Variants in SRPK2 observed in about 807,000 individuals in gnomAD.
SRPK2 encodes SRSF protein kinase 2.
In SRPK2, 21 loss-of-function variants were observed where a neutral mutation model predicts 90.8. The ratio of observed to expected loss-of-function variants is 0.23; its 90% CI spans 0.16 to 0.33. The LOEUF is 0.33. Ranked by LOEUF, SRPK2 falls within the 10% of genes least tolerant of loss-of-function variation. The pLI is 1.00. For synonymous variants in SRPK2, 288 were observed against 311.1 expected (o/e 0.93, Z 0.78); for missense variants, 620 against 869.0 (o/e 0.71, Z 3.60).
At chr7:105,279,190 G>A (rs1403558528) in intron 2 of SRPK2, among the ~76,000 whole-genome samples, 2 of 151,800 alleles carry the variant, frequency 1.3e-5, no homozygotes, top group Admixed American at 6.6e-5. Flanking sequence ...TACAGTGGGG[G>A]TGCCAGAGGG....
At chr7:105,141,285 G>A (rs1032286735) in intron 11 of SRPK2, among the ~76,000 whole-genome samples, 1 of 152,184 alleles carries the variant, frequency 6.6e-6, no homozygotes, top group Non-Finnish European at 1.5e-5. Flanking sequence ...CTCGCTGTGT[G>A]TTAAACAGTC....
chr7:105,355,494 T>A (rs1817679881), intron 2 of SRPK2, among the ~76,000 whole-genome samples: 1 of 152,144 alleles, frequency 6.6e-6, no homozygotes, highest in South Asian at 2.1e-4. Flanking sequence ...AAAATAAAAA[T>A]TTTTAAAAAA....
At chr7:105,148,581 A>G (rs1284052190) in intron 7 of SRPK2, among the ~76,000 whole-genome samples, 1 of 152,226 alleles carries the variant, frequency 6.6e-6, no homozygotes, top group East Asian at 1.9e-4. Flanking sequence ...CAAACAATGA[A>G]TTGAATAGGC....
chr7:105,394,257 C>A (rs1237001519), upstream of SRPK2, among the ~76,000 whole-genome samples: 1 of 151,974 alleles, frequency 6.6e-6, no homozygotes, highest in Admixed American at 6.6e-5. Context: ...ATTCTCCTGC[C>A]TCAGCCTCCG....
intron 2 of SRPK2, among the ~76,000 whole-genome samples, chr7:105,379,301 C>T (rs1001467214): frequency 7.3e-5 from 11 of 151,566 alleles, no homozygotes; most frequent in African/African-American, 2.4e-4. Flanking sequence ...ATGTAACAAC[C>T]ATTGACATGG....
chr7:105,212,839 A>C (rs1479190624), intron 2 of SRPK2, among the ~76,000 whole-genome samples: 1 of 152,208 alleles, frequency 6.6e-6, no homozygotes, highest in East Asian at 1.9e-4. Flanking sequence ...CCATGGATTC[A>C]AACAACTATG....
In SRPK2 at chr7:105,260,016, A is replaced by G. The variant is rs1019305945; in HGVS notation, c.72-56231T>C. On this transcript the variant is annotated intron_variant, in intron 2 of 15. Coordinates refer to ENST00000393651, the MANE Select transcript of SRPK2 (RefSeq NM_182692.3). ...CTAAAACACCAAAAGCAATGGCAACAAAAGTCAAAATAGACAAATGGGATC... is the reference window on the plus strand; with the variant it reads ...CTAAAACACCAAAAGCAATGGCAACGAAAGTCAAAATAGACAAATGGGATC... Among the ~76,000 whole-genome samples, 11 of 152,358 alleles carry G rather than the reference A, an allele frequency of 7.2e-5. 1 individual carries two copies. The highest frequency in any genetic ancestry group is 1.4e-4 in the African/African-American group (6 of 41,584).
In SRPK2 at chr7:105,375,983, C is replaced by CTTTTTTTTTTTTT. The variant is rs34445430; in HGVS notation, c.71+12652_71+12664dup. Among the ~76,000 whole-genome samples the CTTTTTTTTTTTTT allele has an allele frequency of 4.8e-5, 3 of 63,144 alleles. 1 individual carries two copies. Among genetic ancestry groups the CTTTTTTTTTTTTT allele is most frequent in the South Asian group, 7.3e-4 (1 of 1,378 alleles). The allele number at this position is 63,144 out of a possible 152,430, so 41.4% of individuals were successfully genotyped here. On this transcript the variant is annotated intron_variant, in intron 2 of 15. Transcript: ENST00000393651. Reference sequence around the variant, plus strand: ...TGGGCAACGTAATGAGAATTCATTTCTTTTTTTTTTTTTTTTTTTTTTTTT... The same window carrying CTTTTTTTTTTTTT: ...TGGGCAACGTAATGAGAATTCATTTCTTTTTTTTTTTTTTTTTTTTTTTTTTTTTTTTTTTTTT...
At chr7:105,244,256 T>C (rs1270882024) in intron 2 of SRPK2, among the ~76,000 whole-genome samples, 2 of 152,132 alleles carry the variant, frequency 1.3e-5, no homozygotes, top group Non-Finnish European at 2.9e-5. Context: ...AACAAAAAGA[T>C]ACTGTCCAAT....
chr7:105,347,267 G>T (rs932437574), intron 2 of SRPK2, among the ~76,000 whole-genome samples: 1 of 151,900 alleles, frequency 6.6e-6, no homozygotes, highest in Non-Finnish European at 1.5e-5. Flanking sequence ...TTGCTATGTT[G>T]CCCAGGCTGG....
At chr7:105,200,849 A>G (rs905045892) in intron 3 of SRPK2, among the ~76,000 whole-genome samples, 1 of 152,244 alleles carries the variant, frequency 6.6e-6, no homozygotes, top group Admixed American at 6.5e-5. Flanking sequence ...ACAAGAAAAC[A>G]GAATATGCGC....
chr7:105,274,299 T>C (rs550063335), intron 2 of SRPK2, among the ~76,000 whole-genome samples: 11 of 152,276 alleles, frequency 7.2e-5, no homozygotes, highest in Middle Eastern at 3.4e-3. Context: ...CAGTGGCTCA[T>C]GCCTGTAATC....
intron 2 of SRPK2, chr7:105,205,882 T>C: frequency 1.9e-6 from 1 of 514,658 alleles, no homozygotes; most frequent in Admixed American, 2.0e-5. Context: ...TAGCTGTTTC[T>C]TCCTAACTCA....
At chr7:105,149,377 T>G (rs185288476) in intron 7 of SRPK2, among the ~76,000 whole-genome samples, 33 of 152,278 alleles carry the variant, frequency 2.2e-4, no homozygotes, top group African/African-American at 4.8e-4. Flanking sequence ...TTGAACTTAA[T>G]TATGACATAG....
At chr7:105,205,507 TCTCTCTCTCTCACACA>T (rs1453668695) in intron 2 of SRPK2, among the ~76,000 whole-genome samples, 19 of 66,646 alleles carry the variant, frequency 2.9e-4, no homozygotes, top group African/African-American at 1.4e-3. Context: ...TCTCTCTCTC[TCTCTCTCTCTCACACA>T]CACACACACA....
chr7:105,377,271 C>T (rs1265558067), intron 2 of SRPK2, among the ~76,000 whole-genome samples: 1 of 152,168 alleles, frequency 6.6e-6, no homozygotes, highest in Non-Finnish European at 1.5e-5. Context: ...CTTCATTCAG[C>T]CAGTTCCCTA....
intron 2 of SRPK2, among the ~76,000 whole-genome samples, chr7:105,307,943 T>C (rs962931246): frequency 6.6e-6 from 1 of 152,198 alleles, no homozygotes; most frequent in Admixed American, 6.5e-5. Context: ...AATTCTGGAT[T>C]CCATCATGTA....
chr7:105,337,460 G>A (rs1276835602), intron 2 of SRPK2, among the ~76,000 whole-genome samples: 1 of 151,756 alleles, frequency 6.6e-6, no homozygotes, highest in Non-Finnish European at 1.5e-5. Context: ...CATTACAGGC[G>A]CCTGCCACCA....
chr7:105,308,968 G>C (rs1021665210), intron 2 of SRPK2, among the ~76,000 whole-genome samples: 4 of 151,970 alleles, frequency 2.6e-5, no homozygotes, highest in African/African-American at 9.7e-5. Flanking sequence ...ATCCTGCTTA[G>C]GGCCCTTCAG....
Sources: allele counts gnomAD v4.1 joint callset (sites outside exome capture counted in the v4.1 genomes callset), GRCh38; gene constraint gnomAD v4.1.1; transcripts MANE v1.5; gene names NCBI Gene and HGNC (gene_info 2026-07-23, HGNC 2026-07-21).